PRR16: variants seen among roughly 807,000 people sequenced by gnomAD.
PRR16 encodes the protein proline rich 16, also known as protein Largen.
PRR16 carries 6 observed loss-of-function variants against 18.2 expected under a neutral mutation model. The observed-to-expected ratio is 0.33, with a 90% CI of 0.18 to 0.65. PRR16 has a LOEUF of 0.65. Among genes scored for constraint, PRR16 ranks in the 30% least tolerant of loss-of-function variants. PRR16 has a pLI of 0.74. For synonymous variants in PRR16, 151 were observed against 147.8 expected (o/e 1.02, Z -0.16); for missense variants, 412 against 376.6 (o/e 1.09, Z -0.78).
Position 120,567,915 on chromosome 5 carries a change from C to T in PRR16, c.159+103270C>T, listed in dbSNP as rs1752787128. The stretch of plus-strand genomic sequence containing the variant: ...ACATACATGATTTATCACTTTGGAT[C>T]AGGCCCTCTCTTACCCAGGTCCACT... On this transcript the variant is annotated intron_variant, in intron 1 of 1. Transcript: ENST00000407149. Among the ~76,000 whole-genome samples, 3 of 152,124 alleles carry T rather than the reference C, an allele frequency of 2.0e-5. No individual in the cohort carries two copies. The South Asian group carries it at 6.2e-4, about 31-fold the overall frequency.
At chr5:120,604,505 G>C (rs1277583969) in intron 1 of PRR16, among the ~76,000 whole-genome samples, 2 of 152,122 alleles carry the variant, frequency 1.3e-5, no homozygotes, top group East Asian at 3.9e-4. Flanking sequence ...TATTCAACTT[G>C]CCACTTGATG....
intron 1 of PRR16, among the ~76,000 whole-genome samples, chr5:120,627,083 C>T (rs1754891647): frequency 1.3e-5 from 2 of 152,070 alleles, no homozygotes; most frequent in African/African-American, 4.8e-5. Context: ...GTCAATCACC[C>T]AATTTTATTA....
At chr5:120,580,413 C>G (rs1014464245) in intron 1 of PRR16, among the ~76,000 whole-genome samples, 2 of 151,024 alleles carry the variant, frequency 1.3e-5, no homozygotes, top group African/African-American at 4.9e-5. Context: ...CCATCAATAC[C>G]TAGTTAATTG....
At chr5:120,504,289 T>C (rs1174624699) in intron 1 of PRR16, among the ~76,000 whole-genome samples, 5 of 152,244 alleles carry the variant, frequency 3.3e-5, no homozygotes, top group East Asian at 1.9e-4. Context: ...TCACCTCAAG[T>C]TGTAAAAATG....
chr5:120,756,194 A>G, the PRR16 span, among the ~76,000 whole-genome samples: 5 of 152,132 alleles, frequency 3.3e-5, no homozygotes, highest in African/African-American at 1.2e-4. Context: ...TGTTTGCAGT[A>G]GGGGACCAAT....
At position 120,566,439 on chromosome 5, in the gene PRR16, T is replaced by A. The variant is rs112809977; in HGVS notation, c.159+101794T>A. Among the ~76,000 whole-genome samples the A allele has an allele frequency of 1.7e-3, 261 of 152,346 alleles. 1 individual carries two copies. The highest frequency in any genetic ancestry group is 5.8e-3 in the African/African-American group (241 of 41,588). On this transcript the variant is annotated intron_variant, in intron 1 of 1. Transcript: ENST00000407149. ...AATGTTACCAAACTAATAGCATGAC[T>A]GCCATATACTTTTGAATCTTGTTGA...
At chr5:120,670,829 T>C (rs10054070) in intron 1 of PRR16, among the ~76,000 whole-genome samples, 8,828 of 152,242 alleles carry the variant, frequency 0.058, 311 homozygotes, top group South Asian at 0.083. Flanking sequence ...AACGCAAAAA[T>C]AATATAATGT....
chr5:120,703,735 C>G, the PRR16 span, among the ~76,000 whole-genome samples: 6 of 152,096 alleles, frequency 3.9e-5, no homozygotes, highest in African/African-American at 1.4e-4. Context: ...CTCTGGTTCT[C>G]TGTGTGAGAG....
At chr5:120,513,002 T>C (rs565422182) in intron 1 of PRR16, among the ~76,000 whole-genome samples, 1 of 152,218 alleles carries the variant, frequency 6.6e-6, no homozygotes, top group Non-Finnish European at 1.5e-5. Flanking sequence ...TTTTCTAGAC[T>C]AAATATGGTC....
chr5:120,706,204 A>G, the PRR16 span, among the ~76,000 whole-genome samples: 1,346 of 152,260 alleles, frequency 8.8e-3, 28 homozygotes, highest in African/African-American at 0.03. Flanking sequence ...TTAACTCTGT[A>G]TTACCTTTAG....
chr5:120,507,599 A>C (rs1750687329), intron 1 of PRR16, among the ~76,000 whole-genome samples: 1 of 152,150 alleles, frequency 6.6e-6, no homozygotes, highest in Non-Finnish European at 1.5e-5. Flanking sequence ...TAGTTTGTAT[A>C]TATAAAGCCT....
At chr5:120,636,389 A>G (rs971147848) in intron 1 of PRR16, among the ~76,000 whole-genome samples, 4 of 152,222 alleles carry the variant, frequency 2.6e-5, no homozygotes, top group African/African-American at 9.6e-5. Context: ...CTATGAGGCC[A>G]TAGTCACCAA....
chr5:120,549,996 A>G (rs1752202353), intron 1 of PRR16, among the ~76,000 whole-genome samples: 1 of 152,104 alleles, frequency 6.6e-6, no homozygotes, highest in Non-Finnish European at 1.5e-5. Context: ...CAGGAAAATC[A>G]GATCAAAACT....
downstream of PRR16, among the ~76,000 whole-genome samples, chr5:120,687,853 C>T (rs923514512): frequency 6.6e-6 from 1 of 152,194 alleles, no homozygotes; most frequent in Non-Finnish European, 1.5e-5. Flanking sequence ...ACTTAACAAA[C>T]TTTACCCACC....
intron 1 of PRR16, among the ~76,000 whole-genome samples, chr5:120,478,784 A>G (rs578237770): frequency 9.8e-5 from 15 of 152,314 alleles, no homozygotes; most frequent in African/African-American, 3.4e-4. Context: ...TTCTAATAGA[A>G]TATATAAACT....
intron 1 of PRR16, among the ~76,000 whole-genome samples, chr5:120,580,057 G>C (rs1753216011): frequency 6.6e-6 from 1 of 152,150 alleles, no homozygotes; most frequent in South Asian, 2.1e-4. Context: ...GTAAAGGAAT[G>C]CTTGTGATTT....
chr5:120,738,247 G>A, the PRR16 span, among the ~76,000 whole-genome samples: 5 of 152,056 alleles, frequency 3.3e-5, no homozygotes, highest in Non-Finnish European at 5.9e-5. Flanking sequence ...ATGGGGGCTC[G>A]TGGGTATAGC....
the PRR16 span, among the ~76,000 whole-genome samples, chr5:120,703,108 G>A: frequency 1.3e-5 from 2 of 152,100 alleles, no homozygotes; most frequent in African/African-American, 4.8e-5. Context: ...ATTTGGGTCG[G>A]TAAAGGAAAA....
chr5:120,768,966 C>T, the PRR16 span, among the ~76,000 whole-genome samples: 1 of 151,690 alleles, frequency 6.6e-6, no homozygotes, highest in African/African-American at 2.4e-5. Flanking sequence ...AAGTCTTTGA[C>T]AGTCTTACCA....
Sources: allele counts gnomAD v4.1 joint callset (sites outside exome capture counted in the v4.1 genomes callset), GRCh38; gene constraint gnomAD v4.1.1; transcripts MANE v1.5; gene names NCBI Gene and HGNC (gene_info 2026-07-23, HGNC 2026-07-21).